Variants in FOXP2 observed in about 807,000 individuals in gnomAD.
The protein encoded by FOXP2 is forkhead box P2, also known as forkhead box protein P2.
FOXP2 carries 12 observed loss-of-function variants against 115.8 expected under a neutral mutation model. The observed-to-expected ratio is 0.10, with a 90% CI of 0.07 to 0.17. FOXP2 has a LOEUF of 0.17. Among genes scored for constraint, FOXP2 ranks in the 10% least tolerant of loss-of-function variants. The pLI is 1.00. For missense variants in FOXP2, 629 were observed against 843.5 expected, an observed-to-expected ratio of 0.75 and a Z score of 3.15; for synonymous variants, 328 against 297.7, an observed-to-expected ratio of 1.10 and a Z score of -1.05.
chr7:114,307,165 G>T (rs1012849574), intron 2 of FOXP2, among the ~76,000 whole-genome samples: 1 of 152,002 alleles, frequency 6.6e-6, no homozygotes, highest in Non-Finnish European at 1.5e-5. Context: ...TGACGTTGTT[G>T]GCCACTCTGA....
chr7:114,206,222 C>A (rs1648643670), intron 1 of FOXP2, among the ~76,000 whole-genome samples: 1 of 152,092 alleles, frequency 6.6e-6, no homozygotes, highest in African/African-American at 2.4e-5. Flanking sequence ...AATACCCTGC[C>A]TAAAAACTTC....
chr7:114,173,518 T>TA (rs1475509225), intron 1 of FOXP2, among the ~76,000 whole-genome samples: 10 of 151,886 alleles, frequency 6.6e-5, no homozygotes, highest in South Asian at 2.1e-4. Context: ...AAATGAAATA[T>TA]AAAAAATCTC....
intron 2 of FOXP2, among the ~76,000 whole-genome samples, chr7:114,301,600 T>G (rs78045735): frequency 0.04 from 6,019 of 152,198 alleles, 293 homozygotes; most frequent in African/African-American, 0.12. Flanking sequence ...AGTGTGTTTA[T>G]CTCTCTGAAG....
At chr7:114,657,706 A>G (rs1228071845) in intron 10 of FOXP2, among the ~76,000 whole-genome samples, 1 of 152,138 alleles carries the variant, frequency 6.6e-6, no homozygotes, top group Non-Finnish European at 1.5e-5. Flanking sequence ...TGCATCCTTC[A>G]TTATTGCTGT....
chr7:114,212,194 C>T (rs1239959506), intron 1 of FOXP2, among the ~76,000 whole-genome samples: 1 of 151,354 alleles, frequency 6.6e-6, no homozygotes, highest in Non-Finnish European at 1.5e-5. Flanking sequence ...TTAAAATCAA[C>T]TTTATTTTTA....
intron 16 of FOXP2, among the ~76,000 whole-genome samples, chr7:114,681,770 T>C (rs1563076730): frequency 6.6e-6 from 1 of 152,316 alleles, no homozygotes; most frequent in East Asian, 1.9e-4. Flanking sequence ...ACCTTAAATA[T>C]ACTTTTAAGG....
upstream of FOXP2, among the ~76,000 whole-genome samples, chr7:114,412,147 C>T (rs1793179610): frequency 6.6e-6 from 1 of 152,060 alleles, no homozygotes; most frequent in African/African-American, 2.4e-5. Context: ...AGAAAGAAAA[C>T]ACCACAGTCT....
chr7:114,506,318 C>A (rs1221698808), intron 2 of FOXP2, among the ~76,000 whole-genome samples: 1 of 151,572 alleles, frequency 6.6e-6, no homozygotes, highest in Non-Finnish European at 1.5e-5. Flanking sequence ...CTTATTTCTA[C>A]TTTGTCTTTA....
intron 2 of FOXP2, among the ~76,000 whole-genome samples, chr7:114,346,055 AT>A (rs1033938356): frequency 1.8e-4 from 27 of 151,778 alleles, no homozygotes; most frequent in East Asian, 9.7e-4. Flanking sequence ...ATTTATAATA[AT>A]TTTTTAATGA....
Position 114,521,442 on chromosome 7 carries a change from A to C in FOXP2, c.169-13175A>C, listed in dbSNP as rs1798619477. Reference sequence around the variant, plus strand: ...TAGCTATTCAAGAGCCTGAAGCAGGAAGCTTGCATGAGCCCAGGAGTTCTA... The same window carrying C: ...TAGCTATTCAAGAGCCTGAAGCAGGCAGCTTGCATGAGCCCAGGAGTTCTA... On this transcript the variant is annotated intron_variant, in intron 2 of 16. Coordinates refer to ENST00000350908, the MANE Select transcript of FOXP2 (RefSeq NM_014491.4). Among the ~76,000 whole-genome samples, 6 of 151,094 alleles carry C rather than the reference A, an allele frequency of 4.0e-5. No homozygotes were observed. The Admixed American group carries it at 4.0e-4, about 10-fold the overall frequency.
rs370854945 is a variant in FOXP2 at position 114,185,438 on chromosome 7, C to T, written c.-102+22350C>T. Among the ~76,000 whole-genome samples the T allele has an allele frequency of 2.6e-5, 4 of 152,078 alleles. No homozygotes were observed. The East Asian group carries it at 5.8e-4, about 22-fold the overall frequency. ...TGTAAAAATGGGATAAAAATAAAGC[C>T]TATCTCAAAGGGTTGTTATGGAAAT... On this transcript the variant is annotated intron_variant, in intron 1 of 17. Coordinates refer to the FOXP2 transcript ENST00000634411.
chr7:114,373,150 G>T (rs1169369703), intron 2 of FOXP2, among the ~76,000 whole-genome samples: 2 of 151,846 alleles, frequency 1.3e-5, no homozygotes, highest in African/African-American at 2.4e-5. Context: ...CAGCCACCAC[G>T]CCAGGCTAAT....
At chr7:114,331,021 A>G (rs1797695946) in intron 2 of FOXP2, among the ~76,000 whole-genome samples, 2 of 152,164 alleles carry the variant, frequency 1.3e-5, no homozygotes, top group Admixed American at 6.5e-5. Flanking sequence ...TATTCTTATG[A>G]AGTCTTTGTG....
intron 3 of FOXP2, among the ~76,000 whole-genome samples, chr7:114,626,792 A>G (rs903086914): frequency 2.0e-5 from 3 of 151,896 alleles, no homozygotes; most frequent in African/African-American, 7.2e-5. Flanking sequence ...TCAGAGAACA[A>G]GGAGTTAAGT....
chr7:114,610,390 T>C (rs1473546665), intron 3 of FOXP2, among the ~76,000 whole-genome samples: 1 of 152,334 alleles, frequency 6.6e-6, no homozygotes, highest in African/African-American at 2.4e-5. Flanking sequence ...AAATAAATTC[T>C]GTTAAAAATT....
chr7:114,202,476 A>G (rs1794092734), intron 1 of FOXP2, among the ~76,000 whole-genome samples: 1 of 152,188 alleles, frequency 6.6e-6, no homozygotes, highest in South Asian at 2.1e-4. Flanking sequence ...TGAAATTTTG[A>G]AACCCAAATT....
At chr7:114,668,151 C>T (rs1293824841) in intron 16 of FOXP2, 1 of 151,996 alleles carries the variant, frequency 6.6e-6, no homozygotes, top group Non-Finnish European at 1.5e-5. Context: ...CAGGAGAAAA[C>T]ACTGATGATT....
rs1808573875 is a variant in FOXP2, at chr7:114,689,975, A to G, written c.*49A>G. 6 of 1,605,936 alleles carry G rather than the reference A, an allele frequency of 3.7e-6. No homozygotes were observed. The highest frequency in any genetic ancestry group is 5.1e-6 in the Non-Finnish European group (6 of 1,175,106). ...GTGAAGGGACATATCACTGACCTTC[A>G]TAACCACTCCACAACCATGAATATT... On this transcript the variant is annotated 3_prime_UTR_variant, in exon 17 of 17. Transcript: ENST00000350908.
At chr7:114,485,204 T>G (rs1796721540) in intron 2 of FOXP2, among the ~76,000 whole-genome samples, 1 of 151,976 alleles carries the variant, frequency 6.6e-6, no homozygotes, top group Non-Finnish European at 1.5e-5. Context: ...CAGGTTTTTC[T>G]GAAAATAATG....
Sources: allele counts gnomAD v4.1 joint callset (sites outside exome capture counted in the v4.1 genomes callset), GRCh38; gene constraint gnomAD v4.1.1; transcripts MANE v1.5; gene names NCBI Gene and HGNC (gene_info 2026-07-23, HGNC 2026-07-21).